Variants in SCHIP1 observed in about 807,000 individuals in gnomAD.
SCHIP1 encodes the protein schwannomin-interacting protein 1.
In SCHIP1, 8 loss-of-function variants were observed where a neutral mutation model predicts 29.7. The observed-to-expected ratio is 0.27, with a 90% CI of 0.16 to 0.49. The LOEUF (loss-of-function observed/expected upper bound fraction) is 0.49. Among genes scored for constraint, SCHIP1 ranks in the 20% least tolerant of loss-of-function variants. The pLI, the probability that SCHIP1 is intolerant of heterozygous loss-of-function variation, is 0.99. For synonymous variants in SCHIP1, 76 were observed against 94.9 expected, an observed-to-expected ratio of 0.80 and a Z score of 1.16; for missense variants, 193 against 294.6, an observed-to-expected ratio of 0.66 and a Z score of 2.52.
At chr3:159,512,929 T>C in the SCHIP1 span, among the ~76,000 whole-genome samples, 1 of 152,210 alleles carries the variant, frequency 6.6e-6, no homozygotes, top group African/African-American at 2.4e-5. Context: ...ATCTCACAAA[T>C]CAGCGAGAAC....
the SCHIP1 span, among the ~76,000 whole-genome samples, chr3:159,742,187 C>T: frequency 6.6e-6 from 1 of 152,152 alleles, no homozygotes; most frequent in Non-Finnish European, 1.5e-5. Context: ...GATTGTGCCA[C>T]TGCACTCCAG....
the SCHIP1 span, among the ~76,000 whole-genome samples, chr3:159,540,366 G>T: frequency 2.6e-5 from 4 of 152,046 alleles, no homozygotes. Context: ...GCCAAAAAGG[G>T]CTAATGCATT....
the SCHIP1 span, among the ~76,000 whole-genome samples, chr3:159,597,865 T>C: frequency 2.6e-5 from 4 of 152,162 alleles, no homozygotes; most frequent in African/African-American, 9.7e-5. Flanking sequence ...CATGACTGGG[T>C]AATTTATAAA....
chr3:159,550,228 C>T, the SCHIP1 span, among the ~76,000 whole-genome samples: 1 of 149,258 alleles, frequency 6.7e-6, no homozygotes, highest in African/African-American at 2.4e-5. Context: ...TTCTTTTTAA[C>T]ATTATTAAAT....
At chr3:159,279,991 T>G in the SCHIP1 span, among the ~76,000 whole-genome samples, 1 of 152,196 alleles carries the variant, frequency 6.6e-6, no homozygotes, top group Non-Finnish European at 1.5e-5. Flanking sequence ...TTGACTGGTT[T>G]AGATCATGCA....
the SCHIP1 span, among the ~76,000 whole-genome samples, chr3:159,534,956 T>G: frequency 1.3e-5 from 2 of 152,106 alleles, no homozygotes; most frequent in Non-Finnish European, 2.9e-5. Context: ...AATTCTCCCT[T>G]TCGTAAGAAG....
At chr3:159,659,176 G>C in the SCHIP1 span, among the ~76,000 whole-genome samples, 1 of 152,220 alleles carries the variant, frequency 6.6e-6, no homozygotes, top group African/African-American at 2.4e-5. Context: ...TTCATCTGTA[G>C]TATTTTTGAA....
chr3:159,421,402 T>G, the SCHIP1 span, among the ~76,000 whole-genome samples: 4 of 152,220 alleles, frequency 2.6e-5, no homozygotes, highest in Non-Finnish European at 4.4e-5. Flanking sequence ...CCTGGGATGT[T>G]GTGGAGGAGA....
the SCHIP1 span, among the ~76,000 whole-genome samples, chr3:159,696,459 C>A: frequency 6.6e-6 from 1 of 152,186 alleles, no homozygotes; most frequent in Non-Finnish European, 1.5e-5. Context: ...TTCCTTGAAC[C>A]CCACCTCCAA....
At chr3:159,335,499 C>G in the SCHIP1 span, among the ~76,000 whole-genome samples, 13 of 152,264 alleles carry the variant, frequency 8.5e-5, no homozygotes, top group East Asian at 1.5e-3. Context: ...CCACTCCCCC[C>G]CAGTCCACAA....
chr3:159,295,496 C>T, the SCHIP1 span, among the ~76,000 whole-genome samples: 1 of 152,066 alleles, frequency 6.6e-6, no homozygotes, highest in African/African-American at 2.4e-5. Flanking sequence ...TTATTCTCAG[C>T]ACTCTCTACT....
chr3:159,776,791 A>C, the SCHIP1 span, among the ~76,000 whole-genome samples: 2 of 152,218 alleles, frequency 1.3e-5, no homozygotes, highest in African/African-American at 4.8e-5. Flanking sequence ...AGTGTGCTGA[A>C]AGCCAAATTA....
chr3:159,560,616 A>G, the SCHIP1 span, among the ~76,000 whole-genome samples: 1 of 151,832 alleles, frequency 6.6e-6, no homozygotes, highest in East Asian at 1.9e-4. Context: ...TCCACGCATC[A>G]TTTCATGTTT....
At chr3:159,415,389 C>A in the SCHIP1 span, among the ~76,000 whole-genome samples, 2 of 152,106 alleles carry the variant, frequency 1.3e-5, no homozygotes, top group African/African-American at 4.8e-5. Flanking sequence ...TAAATTGTTT[C>A]ATTACCCAGG....
the SCHIP1 span, among the ~76,000 whole-genome samples, chr3:159,587,378 T>C: frequency 6.6e-6 from 1 of 151,220 alleles, no homozygotes; most frequent in Non-Finnish European, 1.5e-5. Context: ...AACTAAACAA[T>C]TGCTTTAAAA....
At chr3:159,448,684 T>C in the SCHIP1 span, among the ~76,000 whole-genome samples, 7 of 152,130 alleles carry the variant, frequency 4.6e-5, no homozygotes, top group Admixed American at 1.3e-4. Context: ...AGAACAGAAG[T>C]AAAATAAACG....
At chr3:159,505,632 C>T in the SCHIP1 span, among the ~76,000 whole-genome samples, 1 of 152,176 alleles carries the variant, frequency 6.6e-6, no homozygotes, top group Non-Finnish European at 1.5e-5. Context: ...CCCACCCACC[C>T]TACAACAGGC....
intron 6 of SCHIP1, among the ~76,000 whole-genome samples, chr3:159,896,148 G>T (rs941862343): frequency 3.3e-5 from 5 of 152,208 alleles, no homozygotes; most frequent in African/African-American, 1.2e-4. Context: ...TTGCAGGAGT[G>T]AATTAGATTT....
the SCHIP1 span, among the ~76,000 whole-genome samples, chr3:159,693,120 A>T: frequency 6.6e-6 from 1 of 152,220 alleles, no homozygotes; most frequent in South Asian, 2.1e-4. Flanking sequence ...TACTGACACC[A>T]GCAAGGGTGA....
Sources: gnomAD v4.1 joint callset for allele counts (sites outside exome capture counted in the v4.1 genomes callset) on GRCh38, gnomAD v4.1.1 for gene constraint, MANE v1.5 for transcripts, NCBI Gene and HGNC (gene_info 2026-07-23, HGNC 2026-07-21) for gene names.